Variants in CDK11B observed in about 807,000 individuals in gnomAD.
CDK11B encodes the protein cyclin dependent kinase 11B, also known as cyclin-dependent kinase 11B.
CDK11B carries 37 observed loss-of-function variants against 84.0 expected under a neutral mutation model. The observed-to-expected ratio is 0.44, with a 90% CI of 0.34 to 0.58. The LOEUF (loss-of-function observed/expected upper bound fraction) is 0.58. CDK11B is among the 20% of genes least tolerant of loss of function. The pLI, the probability that CDK11B is intolerant of heterozygous loss-of-function variation, is 0.02. For missense variants in CDK11B, 427 were observed against 834.0 expected (o/e 0.51, Z 6.01); for synonymous variants, 269 against 309.8 (o/e 0.87, Z 1.38).
chr1:1,646,228 G>A (rs1393492817), intron 5 of CDK11B: 2 of 368,890 alleles, frequency 5.4e-6, no homozygotes, highest in African/African-American at 4.3e-5. Context: ...CCTTTCACAT[G>A]TCATATAATT....
intron 5 of CDK11B, among the ~76,000 whole-genome samples, chr1:1,648,223 T>G (rs2100885024): frequency 2.0e-5 from 3 of 152,368 alleles, no homozygotes; most frequent in South Asian, 4.1e-4. Context: ...TGTCTTTACC[T>G]TCTGGGAAAT....
chr1:1,637,060 G>T (rs1453952553), intron 15 of CDK11B, 21 bp downstream of exon 15: 1 of 1,613,346 alleles, frequency 6.2e-7, no homozygotes, highest in Non-Finnish European at 8.5e-7. Flanking sequence ...CCTGGGATGG[G>T]CCACTCGGAG....
chr1:1,658,391 A>T (rs1643078589), intron 1 of CDK11B, among the ~76,000 whole-genome samples: 1 of 150,004 alleles, frequency 6.7e-6, no homozygotes, highest in African/African-American at 2.5e-5. Flanking sequence ...TCATTCTTGT[A>T]TGGTCTTGGG....
chr1:1,639,708 C>T (rs1639967853), intron 11 of CDK11B, among the ~76,000 whole-genome samples: 1 of 152,096 alleles, frequency 6.6e-6, no homozygotes, highest in East Asian at 1.9e-4. Flanking sequence ...TCTCCGCCCA[C>T]AGGCACCAAG....
At chr1:1,650,918 G>C (rs1263161970) in intron 4 of CDK11B, among the ~76,000 whole-genome samples, 1 of 152,140 alleles carries the variant, frequency 6.6e-6, no homozygotes, top group Non-Finnish European at 1.5e-5. Context: ...GAGCAGAATT[G>C]TAATATTCGT....
In CDK11B at chr1:1,636,789, T is replaced by C. The variant is rs574549646; in HGVS notation, c.1810A>G (p.Thr604Ala). ...ELLLGAKEYS[T>A]AVDMWSVGCI... ...CCCACTGACCACATGTCCACGGCCG[T>C]GGAGTATTCCTAAGAGGTCAGGAGA... is the stretch of plus-strand genomic sequence containing the variant. The change falls in exon 17 of 20, where the codon ACG becomes GCG. Residue 604 changes from threonine (T) to alanine (A), a missense_variant. Physicochemically the swap from Thr to Ala is moderately conservative, Grantham distance 58. Around this residue, in one of 12 missense-constraint regions of CDK11B, gnomAD observed 170 missense variants for 196.0 expected, o/e 0.87. Transcript: ENST00000341832. The C allele has an allele frequency of 1.2e-4, 199 of 1,613,698 alleles. 4 individuals carry two copies. The South Asian group carries it at 2.1e-3, about 17-fold the overall frequency.
intron 3 of CDK11B, among the ~76,000 whole-genome samples, chr1:1,654,404 G>A (rs1251119879): frequency 1.3e-5 from 2 of 152,102 alleles, no homozygotes; most frequent in Non-Finnish European, 2.9e-5. Context: ...GACCATGAGG[G>A]GCACCTGCTA....
At chr1:1,653,905 A>G (rs1188248409) in intron 3 of CDK11B, among the ~76,000 whole-genome samples, 1 of 151,324 alleles carries the variant, frequency 6.6e-6, no homozygotes, top group African/African-American at 2.4e-5. Flanking sequence ...GCTACTCAGG[A>G]GTCTGAGGCA....
At chr1:1,649,889 T>C (rs1234585850) in intron 4 of CDK11B, among the ~76,000 whole-genome samples, 1 of 150,186 alleles carries the variant, frequency 6.7e-6, no homozygotes, top group South Asian at 2.1e-4. Flanking sequence ...GGCAGAAGAA[T>C]TGCTTGAACC....
intron 5 of CDK11B, among the ~76,000 whole-genome samples, chr1:1,647,697 C>T (rs1641353874): frequency 6.6e-6 from 1 of 152,242 alleles, no homozygotes; most frequent in South Asian, 2.1e-4. Flanking sequence ...GGCTCGAGCT[C>T]TCTCCAGTCT....
At chr1:1,649,672 C>T (rs1641631379) in intron 4 of CDK11B, 35 bp from the exon 5 acceptor site, 3 of 1,605,068 alleles carry the variant, frequency 1.9e-6, no homozygotes, top group African/African-American at 2.7e-5. Context: ...AAAGAAACCT[C>T]ACTTCAAAAA....
At position 1,641,275 on chromosome 1, in the gene CDK11B, A is replaced by C. The variant is rs3765908; in HGVS notation, c.1010-162T>G. On this transcript the variant is annotated intron_variant, in intron 9 of 19. Coordinates refer to ENST00000341832, the MANE Select transcript of CDK11B (RefSeq NM_033486.3). ...TGTAATCCCAGCGCTTTGGGAGGCC[A>C]AGGCGGGTGGATCACCTGAGGTCAG... Among the ~76,000 whole-genome samples the C allele has an allele frequency of 3.9e-5, 5 of 128,894 alleles. 1 individual carries two copies. The highest frequency in any genetic ancestry group is 9.2e-5 in the Non-Finnish European group (5 of 54,148). The allele number at this position is 128,894 out of a possible 152,430, so 84.6% of individuals were successfully genotyped here. A position where few individuals can be genotyped will look rare whatever the true frequency, so the allele number is the denominator to read the frequency against.
At chr1:1,650,106 T>TA (rs1173013385) in intron 4 of CDK11B, among the ~76,000 whole-genome samples, 5 of 150,066 alleles carry the variant, frequency 3.3e-5, no homozygotes, top group Admixed American at 3.3e-4. Context: ...CCATCTCTAC[T>TA]AAAAATACAA....
chr1:1,656,042 C>T (rs1305091208), intron 2 of CDK11B, among the ~76,000 whole-genome samples: 1 of 152,238 alleles, frequency 6.6e-6, no homozygotes, highest in East Asian at 1.9e-4. Context: ...CTTATATGAG[C>T]CAAAAATGAA....
intron 5 of CDK11B, chr1:1,646,397 C>T (rs371889645): frequency 4.8e-4 from 250 of 516,532 alleles, no homozygotes; most frequent in African/African-American, 4.2e-3. Flanking sequence ...TAGGGATCAC[C>T]GTATGCCTCA....
chr1:1,658,968 G>T lies in CDK11B; in HGVS notation c.-68C>A, dbSNP rs1223855591. On this transcript the variant is annotated 5_prime_UTR_variant, in exon 1 of 20. Coordinates refer to ENST00000341832, the MANE Select transcript of CDK11B (RefSeq NM_033486.3). ...CGCCGCCGGTCCCGGAGCCAGAGAA[G>T]AAACAGCAACCGGCGCGCGCCAAAA... 2 of 202,030 alleles carry T rather than the reference G, an allele frequency of 9.9e-6. No individual in the cohort carries two copies. The highest frequency in any genetic ancestry group is 2.4e-5 in the African/African-American group (1 of 41,854). 12.5% of individuals were successfully genotyped at this position (202,030 alleles called of 1,614,324 possible).
At position 1,653,858 on chromosome 1, in the gene CDK11B, AC is replaced by A. The variant is rs1570225229; in HGVS notation, c.228-1293del. On this transcript the variant is annotated intron_variant, in intron 3 of 19. Transcript: ENST00000341832. Reference sequence around the variant, plus strand: ...CACACACACACACACACACACACACACACACCCGAGCGTGGTGGCGCATGCC... The same window carrying A: ...CACACACACACACACACACACACACAACACCCGAGCGTGGTGGCGCATGCC... Among the ~76,000 whole-genome samples, 1,224 of 150,176 alleles carry A rather than the reference AC, an allele frequency of 8.2e-3. 11 individuals carry two copies. Among genetic ancestry groups the A allele is most frequent in the African/African-American group, 0.017 (709 of 40,640 alleles).
At chr1:1,654,230 C>T in intron 3 of CDK11B, 1 of 444,640 alleles carries the variant, frequency 2.2e-6, no homozygotes, top group Non-Finnish European at 4.5e-6. Context: ...AGAAACAGTT[C>T]ATGGCACAGG....
At chr1:1,652,699 T>G in intron 3 of CDK11B, 133 bp from the exon 4 acceptor site, 1 of 654,150 alleles carries the variant, frequency 1.5e-6, no homozygotes, top group Non-Finnish European at 2.4e-6. Context: ...ATTTAAAAAA[T>G]TACATTAATT....
Sources: allele counts gnomAD v4.1 joint callset (sites outside exome capture counted in the v4.1 genomes callset), GRCh38; gene constraint gnomAD v4.1.1; regional missense constraint gnomAD v4.1.1; transcripts MANE v1.5; gene names NCBI Gene and HGNC (gene_info 2026-07-23, HGNC 2026-07-21).